The following IGFBP7 variants were observed in gnomAD, a reference collection of about 807,000 sequenced individuals.
The protein encoded by IGFBP7 is insulin like growth factor binding protein 7.
Under a neutral mutation model 29.4 loss-of-function variants are expected in IGFBP7, and 31 were observed. That is an observed-to-expected ratio of 1.05 (90% CI 0.79 to 1.42). The LOEUF is 1.42. Ranked by LOEUF, IGFBP7 falls within the 40% of genes most tolerant of loss-of-function variation. The pLI is 0.00. For synonymous variants in IGFBP7, 172 were observed against 174.9 expected (o/e 0.98, Z 0.13); for missense variants, 393 against 395.5 (o/e 0.99, Z 0.05).
intron 1 of IGFBP7, among the ~76,000 whole-genome samples, chr4:57,079,144 C>CA (rs1237591694): frequency 7.0e-6 from 1 of 142,378 alleles, no homozygotes; most frequent in African/African-American, 2.4e-5. Context: ...TGGCTCAACT[C>CA]AGAGTATTTC....
intron 1 of IGFBP7, among the ~76,000 whole-genome samples, chr4:57,054,873 C>T (rs1724611136): frequency 6.6e-6 from 1 of 152,128 alleles, no homozygotes; most frequent in African/African-American, 2.4e-5. Flanking sequence ...GACCAGGAGA[C>T]TTAACACCTT....
intron 1 of IGFBP7, among the ~76,000 whole-genome samples, chr4:57,043,195 C>T (rs1724273252): frequency 6.6e-6 from 1 of 152,174 alleles, no homozygotes; most frequent in Non-Finnish European, 1.5e-5. Context: ...TGGGACCGTC[C>T]GCAGAGGAGG....
Position 57,032,445 on chromosome 4 carries a change from A to T in IGFBP7, c.810T>A (p.His270Gln). The T allele has an allele frequency of 6.2e-7, 1 of 1,613,758 alleles. No individual in the cohort carries two copies. The highest frequency in any genetic ancestry group is 8.5e-7 in the Non-Finnish European group (1 of 1,179,700). The change falls in exon 4 of 5, where the codon CAT becomes CAA. Residue 270 changes from histidine to glutamine, a missense_variant. His to Gln is a conservative substitution (Grantham distance 24, BLOSUM62 0). Coordinates refer to ENST00000295666, the MANE Select transcript of IGFBP7 (RefSeq NM_001553.3). ...SAKITVVDAL[H>Q]EIPVKKGEGA... ...GTGTACCTTTTTTCACTGGTATTTC[A>T]TGTAAGGCATCAACCACTGTAATTT...
rs943902502 is a variant in IGFBP7 at position 57,108,504 on chromosome 4, A to G, written c.475+1373T>C. On this transcript the variant is annotated intron_variant, in intron 1 of 4. Coordinates refer to ENST00000295666, the MANE Select transcript of IGFBP7 (RefSeq NM_001553.3). ...AGTTAAAATTTCTATGTGTGTGTGTATGTGCGTGTATTTGCAAGTCCAGAC... is the reference window on the plus strand; with the variant it reads ...AGTTAAAATTTCTATGTGTGTGTGTGTGTGCGTGTATTTGCAAGTCCAGAC... Among the ~76,000 whole-genome samples the G allele has an allele frequency of 4.5e-4, 68 of 151,616 alleles. 1 individual carries two copies. Among genetic ancestry groups the G allele is most frequent in the Admixed American group, 3.9e-3 (59 of 15,184 alleles).
chr4:57,088,568 C>T (rs1316868417), intron 1 of IGFBP7, among the ~76,000 whole-genome samples: 1 of 152,070 alleles, frequency 6.6e-6, no homozygotes, highest in Admixed American at 6.6e-5. Context: ...AGGGCTGTTT[C>T]TGAAGCATTA....
chr4:57,037,403 A>G (rs545155956), intron 2 of IGFBP7, among the ~76,000 whole-genome samples: 3 of 148,876 alleles, frequency 2.0e-5, no homozygotes. Context: ...CAGAGACAGG[A>G]TCTTGCTCTG....
intron 1 of IGFBP7, among the ~76,000 whole-genome samples, chr4:57,052,364 T>A (rs984333727): frequency 6.6e-6 from 1 of 151,948 alleles, no homozygotes; most frequent in African/African-American, 2.4e-5. Flanking sequence ...GGGGAAAGGG[T>A]GGACTTGGGT....
At chr4:57,045,336 A>G (rs930442779) in intron 1 of IGFBP7, among the ~76,000 whole-genome samples, 1 of 152,214 alleles carries the variant, frequency 6.6e-6, no homozygotes, top group African/African-American at 2.4e-5. Context: ...CATTTACAAA[A>G]ACCTTTGACT....
intron 1 of IGFBP7, among the ~76,000 whole-genome samples, chr4:57,062,489 G>A (rs1264102850): frequency 6.6e-6 from 1 of 152,196 alleles, no homozygotes; most frequent in Non-Finnish European, 1.5e-5. Context: ...TGGATAAGTA[G>A]CTTAGACTTG....
chr4:57,091,649 AATAAT>A (rs1725638886), intron 1 of IGFBP7, among the ~76,000 whole-genome samples: 1 of 152,236 alleles, frequency 6.6e-6, no homozygotes, highest in African/African-American at 2.4e-5. Flanking sequence ...CGAATACGGG[AATAAT>A]TCTGCCTGAA....
intron 1 of IGFBP7, among the ~76,000 whole-genome samples, chr4:57,046,658 G>T (rs1427242717): frequency 6.6e-6 from 1 of 152,142 alleles, no homozygotes; most frequent in Non-Finnish European, 1.5e-5. Context: ...CCTTGCCCTT[G>T]TTCCATTAAG....
At chr4:57,038,566 C>T (rs973008626) in intron 2 of IGFBP7, among the ~76,000 whole-genome samples, 2 of 152,066 alleles carry the variant, frequency 1.3e-5, no homozygotes, top group Non-Finnish European at 2.9e-5. Flanking sequence ...GTTGCTTCTC[C>T]GGTCACACAG....
chr4:57,040,510 A>G (rs1379814296), intron 2 of IGFBP7, among the ~76,000 whole-genome samples: 1 of 152,146 alleles, frequency 6.6e-6, no homozygotes, highest in Non-Finnish European at 1.5e-5. Context: ...AGACACACAC[A>G]CTTTCACTCG....
At chr4:57,087,035 A>G (rs1725514990) in intron 1 of IGFBP7, among the ~76,000 whole-genome samples, 1 of 151,876 alleles carries the variant, frequency 6.6e-6, no homozygotes, top group Non-Finnish European at 1.5e-5. Context: ...CTCCTGATCT[A>G]GTGGCTCAGT....
chr4:57,084,726 A>T (rs1725452592), intron 1 of IGFBP7, among the ~76,000 whole-genome samples: 1 of 150,368 alleles, frequency 6.7e-6, no homozygotes, highest in Non-Finnish European at 1.5e-5. Flanking sequence ...AAATGATCTG[A>T]TGATAATGTA....
chr4:57,088,777 C>G (rs1184755770), intron 1 of IGFBP7, among the ~76,000 whole-genome samples: 1 of 151,884 alleles, frequency 6.6e-6, no homozygotes, highest in Non-Finnish European at 1.5e-5. Context: ...GTCTGTAATC[C>G]CAGCATTTTG....
intron 1 of IGFBP7, among the ~76,000 whole-genome samples, chr4:57,085,761 T>C (rs554298429): frequency 3.8e-4 from 58 of 152,360 alleles, no homozygotes; most frequent in African/African-American, 1.4e-3. Flanking sequence ...CAAGGAGACA[T>C]TGTCCAAAAT....
At chr4:57,085,499 G>T (rs551185394) in intron 1 of IGFBP7, among the ~76,000 whole-genome samples, 1 of 152,014 alleles carries the variant, frequency 6.6e-6, no homozygotes, top group Non-Finnish European at 1.5e-5. Context: ...CCACATTTTC[G>T]AGTTATTCTA....
At chr4:57,069,893 G>A (rs1725015422) in intron 1 of IGFBP7, among the ~76,000 whole-genome samples, 1 of 152,100 alleles carries the variant, frequency 6.6e-6, no homozygotes, top group Admixed American at 6.5e-5. Context: ...GAACAGACTG[G>A]CCAACATGAC....
Sources: allele counts gnomAD v4.1 joint callset (sites outside exome capture counted in the v4.1 genomes callset), GRCh38; gene constraint gnomAD v4.1.1; transcripts MANE v1.5; gene names NCBI Gene and HGNC (gene_info 2026-07-23, HGNC 2026-07-21).